RTTN: variants seen among roughly 807,000 people sequenced by gnomAD.
RTTN encodes rotatin.
In RTTN, 182 loss-of-function variants were observed where a neutral mutation model predicts 269.2. The ratio of observed to expected loss-of-function variants is 0.68; its 90% CI spans 0.60 to 0.76. The LOEUF (loss-of-function observed/expected upper bound fraction) is 0.76, where lower values mean the gene tolerates loss of function less well. Among genes scored for constraint, RTTN ranks in the 30% least tolerant of loss-of-function variants. The pLI, the probability that RTTN is intolerant of heterozygous loss-of-function variation, is 0.00. For synonymous variants in RTTN, 1,006 were observed against 963.5 expected, an observed-to-expected ratio of 1.04 and a Z score of -0.82; for missense variants, 2,545 against 2,608.6, an observed-to-expected ratio of 0.98 and a Z score of 0.53.
chr18:70,124,837 C>T (rs968964499), intron 25 of RTTN, among the ~76,000 whole-genome samples: 6 of 152,002 alleles, frequency 3.9e-5, no homozygotes, highest in Admixed American at 3.9e-4. Context: ...AACCAATTCG[C>T]TAGTCAGTCT....
At chr18:70,180,016 A>G (rs921931993) in intron 10 of RTTN, among the ~76,000 whole-genome samples, 4 of 152,130 alleles carry the variant, frequency 2.6e-5, no homozygotes, top group Non-Finnish European at 5.9e-5. Context: ...TTCATGGTCT[A>G]GGTGCTTGTG....
At position 70,088,115 on chromosome 18, in the gene RTTN, T is replaced by C. The variant is rs2058750036; in HGVS notation, c.4176A>G (p.Ala1392=). The part of the protein sequence containing the change: ...VRFTSLGLGS[A]LTTLETGCVA... ...CACAGCCCGTTTCAAGGGTGGTCAG[T>C]GCTGATCCTAATCCCAGTGAAGTGA... The change falls in exon 31 of 49, where the codon GCA becomes GCG. Residue 1392 remains alanine (A), a synonymous_variant. Transcript: ENST00000640769. The C allele has an allele frequency of 6.2e-7, 1 of 1,613,612 alleles. No individual in the cohort carries two copies. The highest frequency in any genetic ancestry group is 1.1e-5 in the South Asian group (1 of 91,020).
At chr18:70,064,494 T>C (rs2058080369) in intron 35 of RTTN, among the ~76,000 whole-genome samples, 1 of 152,190 alleles carries the variant, frequency 6.6e-6, no homozygotes, top group Non-Finnish European at 1.5e-5. Flanking sequence ...CAGTGGAATA[T>C]TATTTGTCAA....
chr18:70,016,938 G>A (rs1242947525), intron 46 of RTTN, among the ~76,000 whole-genome samples: 6 of 152,088 alleles, frequency 3.9e-5, no homozygotes, highest in African/African-American at 7.2e-5. Flanking sequence ...ATCAGATGGC[G>A]ATAATACTAC....
chr18:70,104,830 A>G (rs1238828990), intron 28 of RTTN, among the ~76,000 whole-genome samples: 23 of 150,324 alleles, frequency 1.5e-4, no homozygotes, highest in Non-Finnish European at 1.5e-5. Context: ...AGAACAGCAA[A>G]TGTTGCTGCC....
At chr18:70,136,717 A>C (rs1363697620) in intron 21 of RTTN, among the ~76,000 whole-genome samples, 2 of 152,140 alleles carry the variant, frequency 1.3e-5, no homozygotes, top group Non-Finnish European at 2.9e-5. Context: ...GCATTTTTAA[A>C]CACCTTTGGT....
Position 70,052,102 on chromosome 18 carries a change from A to G in RTTN, c.5186-554T>C, listed in dbSNP as rs1012544570. On this transcript the variant is annotated intron_variant, in intron 38 of 48. Transcript: ENST00000640769. Reference sequence around the variant, plus strand: ...TTTTCCTATGGCTAAGGATGTAGCAATTCTAGGATGAGGACCCATTTTCCC... The same window carrying G: ...TTTTCCTATGGCTAAGGATGTAGCAGTTCTAGGATGAGGACCCATTTTCCC... Among the ~76,000 whole-genome samples the G allele has an allele frequency of 5.9e-5, 9 of 152,348 alleles. 1 individual carries two copies. The South Asian group carries it at 1.9e-3, about 32-fold the overall frequency.
chr18:70,018,977 T>G (rs1468495407), intron 45 of RTTN, among the ~76,000 whole-genome samples: 1 of 152,032 alleles, frequency 6.6e-6, no homozygotes, highest in Non-Finnish European at 1.5e-5. Flanking sequence ...CAATACCACC[T>G]GCTGCATTTT....
chr18:70,196,954 T>C (rs1441971367), intron 6 of RTTN, among the ~76,000 whole-genome samples: 3 of 152,334 alleles, frequency 2.0e-5, no homozygotes, highest in East Asian at 3.9e-4. Context: ...GACATTACAT[T>C]ACAGAGAACA....
rs763317060 is a variant in RTTN at position 70,135,152 on chromosome 18, G to C, written c.2885+32C>G. On this transcript the variant is annotated intron_variant, in intron 22 of 48. Coordinates refer to ENST00000640769, the MANE Select transcript of RTTN (RefSeq NM_173630.4). ...TCAGATACCTGAGATAAATAGTTAA[G>C]AGTAAAAAACTTATAAATTCTTATA... 1.0e-5 allele frequency: 12 copies of C among 1,200,580 alleles called. No homozygotes were observed. The South Asian group carries it at 1.2e-4, about 12-fold the overall frequency. The allele number at this position is 1,200,580 out of a possible 1,614,324, so 74.4% of individuals were successfully genotyped here.
rs533924782 is a variant in RTTN at position 70,087,989 on chromosome 18, C to A, written c.4302G>T (p.Glu1434Asp). The A allele has an allele frequency of 1.2e-6, 2 of 1,610,792 alleles. No homozygotes were observed. The highest frequency in any genetic ancestry group is 2.2e-5 in the East Asian group (1 of 44,852). ...DQSECSMVRR[E>D]AAFILQNLLV... ...AAAAAAGGAGAAAAGACAGACATAC[C>A]TCCCGGCGCACCATACTACATTCTG... is the stretch of plus-strand genomic sequence containing the variant. Residue 1434 changes from glutamate (E) to aspartate (D), a missense_variant and splice_region_variant, in exon 31 of 49, where the codon GAG (glutamate) becomes GAT (aspartate). Physicochemically the swap from Glu to Asp is conservative, Grantham distance 45. Transcript: ENST00000640769.
chr18:70,108,283 A>C (rs1480244629), intron 28 of RTTN, among the ~76,000 whole-genome samples: 2 of 152,188 alleles, frequency 1.3e-5, no homozygotes, highest in African/African-American at 2.4e-5. Context: ...TCTCAAAAAA[A>C]AAAAAAGTCA....
intron 26 of RTTN, among the ~76,000 whole-genome samples, chr18:70,117,238 C>T (rs2059624779): frequency 6.6e-6 from 1 of 151,998 alleles, no homozygotes; most frequent in African/African-American, 2.4e-5. Context: ...CATGTATGTC[C>T]ATACATTCAA....
intron 35 of RTTN, among the ~76,000 whole-genome samples, chr18:70,065,214 C>G (rs1391187586): frequency 1.4e-5 from 2 of 147,540 alleles, no homozygotes; most frequent in Admixed American, 1.4e-4. Flanking sequence ...ATAGTATAGT[C>G]CTTTCAAGTC....
chr18:70,038,368 T>A (rs1568279029), intron 40 of RTTN, among the ~76,000 whole-genome samples: 2 of 152,182 alleles, frequency 1.3e-5, no homozygotes, highest in Non-Finnish European at 2.9e-5. Flanking sequence ...GCCACAGGGA[T>A]GCTAATATCA....
Position 70,075,434 on chromosome 18 carries a change from T to A in RTTN, c.4482A>T (p.Val1494=), listed in dbSNP as rs2058402508. The change falls in exon 33 of 49, where the codon GTA becomes GTT. Residue 1494 remains valine, a synonymous_variant. Transcript: ENST00000640769. ...CHFYEHLNQM[V]KHCYLGRCMF... ...TACACCGTCCTAGGTAACAATGCTT[T>A]ACCATCTGATTCAAATGTTCATAAA... 3.7e-6 allele frequency: 6 copies of A among 1,608,712 alleles called. No homozygotes were observed. The highest frequency in any genetic ancestry group is 5.1e-6 in the Non-Finnish European group (6 of 1,177,788).
chr18:70,185,309 T>A (rs2061521664), intron 10 of RTTN, among the ~76,000 whole-genome samples: 1 of 152,120 alleles, frequency 6.6e-6, no homozygotes, highest in Admixed American at 6.5e-5. Flanking sequence ...AGATAAAATA[T>A]CAAAAGCATG....
chr18:70,131,392 AAAG>A (rs1425430706), intron 23 of RTTN: 1 of 151,792 alleles, frequency 6.6e-6, no homozygotes, highest in Non-Finnish European at 1.5e-5. Context: ...AAGAAAAAAA[AAAG>A]AAGAGCAAAT....
intron 34 of RTTN, among the ~76,000 whole-genome samples, chr18:70,068,156 G>T (rs2058195172): frequency 6.6e-6 from 1 of 152,114 alleles, no homozygotes; most frequent in Admixed American, 6.5e-5. Context: ...ATCTTTGCTT[G>T]TTTAGATATA....
Sources: gnomAD v4.1 joint callset for allele counts (sites outside exome capture counted in the v4.1 genomes callset) on GRCh38, gnomAD v4.1.1 for gene constraint, MANE v1.5 for transcripts, NCBI Gene and HGNC (gene_info 2026-07-23, HGNC 2026-07-21) for gene names.